Variants in RRP1B observed in about 807,000 individuals in gnomAD.
RRP1B encodes ribosomal RNA processing protein 1 homolog B.
Under a neutral mutation model 80.2 loss-of-function variants are expected in RRP1B, and 56 were observed. The ratio of observed to expected loss-of-function variants is 0.70; its 90% CI spans 0.56 to 0.87. The LOEUF (loss-of-function observed/expected upper bound fraction) is 0.87, where lower values mean the gene tolerates loss of function less well. Among genes scored for constraint, RRP1B ranks in the 40% least tolerant of loss-of-function variants. The pLI, the probability that RRP1B is intolerant of heterozygous loss-of-function variation, is 0.00. For synonymous variants in RRP1B, 351 were observed against 357.6 expected, an observed-to-expected ratio of 0.98 and a Z score of 0.21; for missense variants, 807 against 939.8, an observed-to-expected ratio of 0.86 and a Z score of 1.85.
Position 43,693,506 on chromosome 21 carries a change from C to T in RRP1B, c.*123C>T. ...TCCCATAAGTTGTGTGCACGAGGTT[C>T]TGAGAGTGCCCGCAGGCTGCTGCGT... On this transcript the variant is annotated 3_prime_UTR_variant, in exon 16 of 16. Transcript: ENST00000340648. This position sits in a 1 kb window ranked among gnomAD's most constrained non-coding sequence, Gnocchi z 4.1. 1 of 982,514 alleles carries T rather than the reference C, an allele frequency of 1.0e-6. No individual in the cohort carries two copies. Among genetic ancestry groups the T allele is most frequent in the Non-Finnish European group, 1.4e-6 (1 of 702,686 alleles). 60.9% of individuals were successfully genotyped at this position (982,514 alleles called of 1,614,324 possible).
chr21:43,668,453 C>T (rs2082987235), intron 1 of RRP1B, among the ~76,000 whole-genome samples: 1 of 151,150 alleles, frequency 6.6e-6, no homozygotes, highest in African/African-American at 2.4e-5. Context: ...GTGCAAACTC[C>T]ACCTCCTGGG....
chr21:43,680,309 C>G (rs2083038410), intron 8 of RRP1B, among the ~76,000 whole-genome samples: 1 of 152,050 alleles, frequency 6.6e-6, no homozygotes, highest in Non-Finnish European at 1.5e-5. Flanking sequence ...CCCGTAATCC[C>G]AGCACTTTGG....
At chr21:43,690,182 G>A (rs1280682133) in intron 13 of RRP1B, 106 bp from the exon 14 acceptor site, 3 of 1,343,818 alleles carry the variant, frequency 2.2e-6, no homozygotes, top group Admixed American at 2.3e-5. Flanking sequence ...GCCGTCGGGT[G>A]GGCTGGATCT....
Position 43,693,063 on chromosome 21 carries a change from C to A in RRP1B, c.2084-127C>A. On this transcript the variant is annotated intron_variant, in intron 15 of 15. Coordinates refer to ENST00000340648, the MANE Select transcript of RRP1B (RefSeq NM_015056.3). This position sits in a 1 kb window ranked among gnomAD's most constrained non-coding sequence, Gnocchi z 4.1. Reference sequence around the variant, plus strand: ...CTCTTGGGCCTGCTCTCTGCAGGGCCTTGAGATGGCCCTGCTTCGTCCTAG... The same window carrying A: ...CTCTTGGGCCTGCTCTCTGCAGGGCATTGAGATGGCCCTGCTTCGTCCTAG... The A allele has an allele frequency of 2.2e-6, 2 of 928,154 alleles. No homozygotes were observed. The highest frequency in any genetic ancestry group is 3.3e-6 in the Non-Finnish European group (2 of 605,222). 57.5% of individuals were successfully genotyped at this position (928,154 alleles called of 1,614,324 possible). A position where few individuals can be genotyped will look rare whatever the true frequency, so the allele number is the denominator to read the frequency against.
chr21:43,693,315 C>A lies in RRP1B; in HGVS notation c.2209C>A (p.Pro737Thr), dbSNP rs367654052. The change falls in exon 16 of 16, where the codon CCC (proline) becomes ACC (threonine). Residue 737 changes from proline to threonine, a missense_variant. Physicochemically the swap from Pro to Thr is conservative, Grantham distance 38. Coordinates refer to ENST00000340648, the MANE Select transcript of RRP1B (RefSeq NM_015056.3). The surrounding 1 kb of genome is among the most constrained non-coding windows in gnomAD (Gnocchi z 4.1). ...CCCCACCAGCTCACCTGCCAGCTCA[C>A]CCCTGGTGGCCAAGAAGCCCCTGAC... ...KTPTSSPASS[P>T]LVAKKPLTTT... 54 of 1,612,638 alleles carry A rather than the reference C, an allele frequency of 3.3e-5. No individual in the cohort carries two copies. The South Asian group carries it at 5.9e-4, about 18-fold the overall frequency.
At chr21:43,684,716 A>G in intron 10 of RRP1B, 66 bp downstream of exon 10, 1 of 1,281,640 alleles carries the variant, frequency 7.8e-7, no homozygotes, top group Non-Finnish European at 1.1e-6. Flanking sequence ...GGTGTGGGAC[A>G]AGCCATCTGC....
At chr21:43,664,120 T>C (rs544507509) in intron 1 of RRP1B, among the ~76,000 whole-genome samples, 137 of 151,950 alleles carry the variant, frequency 9.0e-4, no homozygotes, top group Middle Eastern at 3.4e-3. Context: ...CACACAGACA[T>C]AAATGGAAAA....
chr21:43,661,529 G>A (rs375670587), intron 1 of RRP1B, among the ~76,000 whole-genome samples: 1 of 151,998 alleles, frequency 6.6e-6, no homozygotes, highest in South Asian at 2.1e-4. Context: ...GTCCTCCCTC[G>A]TTCACCTCCT....
intron 15 of RRP1B, among the ~76,000 whole-genome samples, chr21:43,692,139 TAGAG>T (rs1879726238): frequency 6.6e-6 from 1 of 152,184 alleles, no homozygotes; most frequent in South Asian, 2.1e-4. Context: ...AGCCGTCCCA[TAGAG>T]AGGCCATTTG....
chr21:43,676,477 G>A, intron 7 of RRP1B, 141 bp downstream of exon 7: 1 of 720,398 alleles, frequency 1.4e-6, no homozygotes, highest in South Asian at 1.8e-5. Context: ...GAAGCTTTGA[G>A]CAGTGATTTG....
Position 43,676,812 on chromosome 21 carries a change from A to T in RRP1B, c.694A>T (p.Met232Leu), listed in dbSNP as rs1331332277. 14 of 1,614,112 alleles carry T rather than the reference A, an allele frequency of 8.7e-6. No individual in the cohort carries two copies. Among genetic ancestry groups the T allele is most frequent in the Non-Finnish European group, 1.0e-5 (12 of 1,180,038 alleles). Residue 232 changes from methionine (M) to leucine (L), a missense_variant, in exon 8 of 16, where the codon ATG (methionine) becomes TTG (leucine). Transcript: ENST00000340648. ...DQSPFVPEET[M>L]EEQKTKVGDG... ...GTCTCCTTTTGTGCCTGAAGAGACG[A>T]TGGAGGAACAGAAGACAAAAGTGGG...
intron 7 of RRP1B, 93 bp downstream of exon 7, chr21:43,676,429 C>T: frequency 1.1e-6 from 1 of 946,192 alleles, no homozygotes; most frequent in Non-Finnish European, 1.7e-6. Context: ...GTACCCAGGA[C>T]ACTGCTTCAC....
At chr21:43,670,069 T>C in intron 2 of RRP1B, 103 bp downstream of exon 2, 1 of 698,410 alleles carries the variant, frequency 1.4e-6, no homozygotes, top group Non-Finnish European at 2.3e-6. Context: ...TGACGCACAC[T>C]GACAGTCATG....
In RRP1B at chr21:43,687,636, C is replaced by T. The variant is rs781359367; in HGVS notation, c.1262C>T (p.Pro421Leu). The T allele has an allele frequency of 4.5e-5, 71 of 1,561,054 alleles. No homozygotes were observed. Among genetic ancestry groups the T allele is most frequent in the Non-Finnish European group, 5.6e-5 (65 of 1,154,764 alleles). Residue 421 changes from proline to leucine, a missense_variant, in exon 13 of 16, where the codon CCA becomes CTA. Transcript: ENST00000340648. ...PENPGPGGAA[P>L]SLEQNRGREP... The stretch of plus-strand genomic sequence containing the variant: ...AATCCAGGCCCAGGGGGTGCAGCCC[C>T]ATCCCTGGAACAGAACCGGGGCAGG...
At chr21:43,667,112 A>G (rs2082981114) in intron 1 of RRP1B, among the ~76,000 whole-genome samples, 1 of 151,596 alleles carries the variant, frequency 6.6e-6, no homozygotes, top group Non-Finnish European at 1.5e-5. Flanking sequence ...TGTTGGCATC[A>G]CCTCTGGCAT....
Position 43,693,964 on chromosome 21 carries a change from G to A in RRP1B, c.*581G>A, listed in dbSNP as rs1050969577. 1 of 152,372 alleles carries A rather than the reference G, an allele frequency of 6.6e-6. No individual in the cohort carries two copies. Among genetic ancestry groups the A allele is most frequent in the African/African-American group, 2.4e-5 (1 of 41,422 alleles). The allele number at this position is 152,372 out of a possible 1,614,324, so 9.4% of individuals were successfully genotyped here. ...CTACATGTGCTCAGCTGGGGGTGTG[G>A]ACAGGTAGGGGTGGGGAAAGAAGAG... On this transcript the variant is annotated 3_prime_UTR_variant, in exon 16 of 16. Coordinates refer to ENST00000340648, the MANE Select transcript of RRP1B (RefSeq NM_015056.3). This position sits in a 1 kb window ranked among gnomAD's most constrained non-coding sequence, Gnocchi z 4.1.
chr21:43,664,120 TA>T (rs1294956415), intron 1 of RRP1B, among the ~76,000 whole-genome samples: 1 of 151,836 alleles, frequency 6.6e-6, no homozygotes, highest in African/African-American at 2.4e-5. Flanking sequence ...CACACAGACA[TA>T]AATGGAAAAT....
At chr21:43,682,171 C>T (rs889670495) in intron 8 of RRP1B, among the ~76,000 whole-genome samples, 4 of 151,386 alleles carry the variant, frequency 2.6e-5, no homozygotes, top group African/African-American at 9.7e-5. Context: ...GACTAAGGAC[C>T]TGGAGCAAAT....
In RRP1B at chr21:43,675,149, G is replaced by A. The variant is rs1307673601; in HGVS notation, c.535G>A (p.Val179Ile). The part of the protein sequence containing the change: ...IDIYLDELSK[V>I]GGKELLADQN... ...TATTTACCTGGATGAACTCTCCAAA[G>A]TCGGGGGGAAGGAGGTAAGCAGCTG... The change falls in exon 6 of 16, where the codon GTC (valine) becomes ATC (isoleucine). Residue 179 changes from valine (V) to isoleucine (I), a missense_variant. Transcript: ENST00000340648. 1.9e-6 allele frequency: 3 copies of A among 1,614,042 alleles called. No homozygotes were observed. The highest frequency in any genetic ancestry group is 1.7e-5 in the Admixed American group (1 of 60,016).
Sources: allele counts gnomAD v4.1 joint callset (sites outside exome capture counted in the v4.1 genomes callset), GRCh38; gene constraint gnomAD v4.1.1; non-coding constraint Gnocchi (gnomAD v3.1); transcripts MANE v1.5; gene names NCBI Gene and HGNC (gene_info 2026-07-23, HGNC 2026-07-21).